KCNQ5: variants seen among roughly 807,000 people sequenced by gnomAD.
KCNQ5 encodes the protein potassium voltage-gated channel subfamily Q member 5.
A neutral mutation model predicts 98.2 loss-of-function variants in KCNQ5; 30 were observed. The ratio of observed to expected loss-of-function variants is 0.31; its 90% confidence interval spans 0.23 to 0.41. The LOEUF (loss-of-function observed/expected upper bound fraction) is 0.41. Among genes scored for constraint, KCNQ5 ranks in the 10% least tolerant of loss-of-function variants. The pLI is 1.00. For missense variants in KCNQ5, 835 were observed against 1,182.5 expected, an observed-to-expected ratio of 0.71 and a Z score of 4.31; for synonymous variants, 458 against 449.4, an observed-to-expected ratio of 1.02 and a Z score of -0.24.
At chr6:72,781,908 A>G (rs1378804664) in intron 1 of KCNQ5, among the ~76,000 whole-genome samples, 1 of 152,198 alleles carries the variant, frequency 6.6e-6, no homozygotes, top group Non-Finnish European at 1.5e-5. Flanking sequence ...GAGTCTTTTT[A>G]TATCTTATTT....
At chr6:72,908,009 A>G (rs922188737) in intron 1 of KCNQ5, among the ~76,000 whole-genome samples, 1 of 152,138 alleles carries the variant, frequency 6.6e-6, no homozygotes, top group Non-Finnish European at 1.5e-5. Flanking sequence ...TAGCACATAC[A>G]ATGAACCATG....
At chr6:72,633,533 G>C (rs2098922251) in intron 1 of KCNQ5, among the ~76,000 whole-genome samples, 1 of 152,156 alleles carries the variant, frequency 6.6e-6, no homozygotes, top group East Asian at 1.9e-4. Flanking sequence ...CACAGAATTA[G>C]ATAAAACTAT....
intron 3 of KCNQ5, among the ~76,000 whole-genome samples, chr6:73,063,671 A>AGATAGATAGATAGATAGAT (rs1772896192): frequency 1.2e-5 from 1 of 81,718 alleles, no homozygotes; most frequent in African/African-American, 3.9e-5. Flanking sequence ...GATAGATGAT[A>AGATAGATAGATAGATAGAT]GATAGATAGA....
At chr6:72,781,412 G>T (rs562541152) in intron 1 of KCNQ5, among the ~76,000 whole-genome samples, 1 of 152,222 alleles carries the variant, frequency 6.6e-6, no homozygotes, top group East Asian at 1.9e-4. Flanking sequence ...GGTAGTTATG[G>T]CAGCCCTAGG....
chr6:72,856,902 G>A (rs944025867), intron 1 of KCNQ5, among the ~76,000 whole-genome samples: 5 of 152,206 alleles, frequency 3.3e-5, no homozygotes, highest in African/African-American at 4.8e-5. Context: ...CTCCCCCGTG[G>A]GGCTGGAGAT....
chr6:72,963,017 T>C (rs1767447271), intron 1 of KCNQ5, among the ~76,000 whole-genome samples: 1 of 152,200 alleles, frequency 6.6e-6, no homozygotes, highest in African/African-American at 2.4e-5. Context: ...TTCTAATGTT[T>C]ATAAGCTGAA....
intron 5 of KCNQ5, among the ~76,000 whole-genome samples, chr6:73,080,351 T>C (rs1241933493): frequency 5.9e-5 from 9 of 152,192 alleles, no homozygotes; most frequent in Admixed American, 5.9e-4. Flanking sequence ...AAAAATTTTA[T>C]AAGAGATCAA....
At chr6:72,859,579 CTT>C (rs749719396) in intron 1 of KCNQ5, among the ~76,000 whole-genome samples, 1 of 149,528 alleles carries the variant, frequency 6.7e-6, no homozygotes, top group Admixed American at 6.8e-5. Context: ...TTATTCCAGA[CTT>C]TTTTTTTCTT....
At chr6:72,717,722 G>T (rs1468912144) in intron 1 of KCNQ5, among the ~76,000 whole-genome samples, 1 of 152,164 alleles carries the variant, frequency 6.6e-6, no homozygotes, top group African/African-American at 2.4e-5. Flanking sequence ...CGCTCTCCAT[G>T]AGGCTGCCTG....
At chr6:73,140,736 AAGGGTATTC>A (rs1300589432) in intron 10 of KCNQ5, among the ~76,000 whole-genome samples, 1 of 152,230 alleles carries the variant, frequency 6.6e-6, no homozygotes, top group Non-Finnish European at 1.5e-5. Context: ...AAACCCTACA[AAGGGTATTC>A]AGTAGGATTC....
At chr6:73,007,928 G>T (rs1004396371) in intron 2 of KCNQ5, among the ~76,000 whole-genome samples, 4 of 152,116 alleles carry the variant, frequency 2.6e-5, no homozygotes. Flanking sequence ...GGAATACAGT[G>T]TATAAAGATG....
At chr6:73,104,954 C>T (rs1369468260) in intron 5 of KCNQ5, among the ~76,000 whole-genome samples, 3 of 152,140 alleles carry the variant, frequency 2.0e-5, no homozygotes, top group Non-Finnish European at 4.4e-5. Flanking sequence ...AGTCCTAAAT[C>T]CATGGTGCTA....
At chr6:72,868,024 T>G (rs1454080535) in intron 1 of KCNQ5, among the ~76,000 whole-genome samples, 1 of 152,044 alleles carries the variant, frequency 6.6e-6, no homozygotes, top group African/African-American at 2.4e-5. Flanking sequence ...AATTTAGACC[T>G]GTTATTTGAG....
At chr6:72,986,246 A>G in intron 1 of KCNQ5, 1 of 209,050 alleles carries the variant, frequency 4.8e-6, no homozygotes, top group Non-Finnish European at 9.4e-6. Context: ...AAGAAAGAAA[A>G]TGTGGAACAT....
intron 1 of KCNQ5, among the ~76,000 whole-genome samples, chr6:72,795,778 TCCCCATC>T (rs1028627212): frequency 2.0e-5 from 3 of 152,208 alleles, no homozygotes; most frequent in African/African-American, 7.2e-5. Flanking sequence ...AATCTGATTT[TCCCCATC>T]CCAGCTATGT....
intron 1 of KCNQ5, among the ~76,000 whole-genome samples, chr6:72,743,616 A>G (rs1298274452): frequency 6.6e-6 from 1 of 152,158 alleles, no homozygotes; most frequent in Non-Finnish European, 1.5e-5. Flanking sequence ...TCTCCTTACT[A>G]TTAGGTCCAT....
At chr6:72,900,920 A>G (rs149389450) in intron 1 of KCNQ5, among the ~76,000 whole-genome samples, 6 of 152,150 alleles carry the variant, frequency 3.9e-5, no homozygotes, top group East Asian at 1.9e-4. Context: ...GCATTTGTTC[A>G]TATGTTTGTT....
intron 1 of KCNQ5, among the ~76,000 whole-genome samples, chr6:72,895,635 A>G (rs1270511657): frequency 6.7e-6 from 1 of 149,960 alleles, no homozygotes; most frequent in African/African-American, 2.4e-5. Context: ...ACTGAGGAAT[A>G]TGTATAATAT....
chr6:73,111,446 T>C lies in KCNQ5; in HGVS notation c.1125+43T>C, dbSNP rs1935538. The C allele has an allele frequency of 0.017, 20,815 of 1,248,958 alleles. 2,097 individuals carry two copies. The African/African-American group carries it at 0.25, about 15-fold the overall frequency. 77.4% of individuals were successfully genotyped at this position (1,248,958 alleles called of 1,614,324 possible). A position where few individuals can be genotyped will look rare whatever the true frequency, so the allele number is the denominator to read the frequency against. ...AGGTAGATGGCAACATTTGTGTCCA[T>C]AGTGCTTGATGGGTCATTTTCCAAT... On this transcript the variant is annotated intron_variant, in intron 7 of 13. Transcript: ENST00000370398.
Sources: gnomAD v4.1 joint callset for allele counts (sites outside exome capture counted in the v4.1 genomes callset) on GRCh38, gnomAD v4.1.1 for gene constraint, MANE v1.5 for transcripts, NCBI Gene and HGNC (gene_info 2026-07-23, HGNC 2026-07-21) for gene names.